SCHIP1: variants seen among roughly 807,000 people sequenced by gnomAD.
The protein encoded by SCHIP1 is schwannomin-interacting protein 1.
SCHIP1 carries 8 observed loss-of-function variants against 29.7 expected under a neutral mutation model. The observed-to-expected ratio is 0.27, with a 90% CI of 0.16 to 0.49. The LOEUF (loss-of-function observed/expected upper bound fraction) is 0.49. Ranked by LOEUF, SCHIP1 falls within the 20% of genes least tolerant of loss-of-function variation. The probability of loss-of-function intolerance (pLI) is 0.99; values close to 1 mark genes in which losing one functional copy is unlikely to be tolerated. For synonymous variants in SCHIP1, 76 were observed against 94.9 expected (o/e 0.80, Z 1.16); for missense variants, 193 against 294.6 (o/e 0.66, Z 2.52).
the SCHIP1 span, among the ~76,000 whole-genome samples, chr3:159,559,343 T>C: frequency 6.6e-6 from 1 of 152,208 alleles, no homozygotes; most frequent in South Asian, 2.1e-4. Context: ...TCCATATTTT[T>C]ATCCCAACAT....
chr3:159,421,973 C>T, the SCHIP1 span, among the ~76,000 whole-genome samples: 14 of 152,148 alleles, frequency 9.2e-5, no homozygotes, highest in Non-Finnish European at 1.6e-4. Flanking sequence ...GTGAAAAAAA[C>T]TTAAATAAAG....
the SCHIP1 span, among the ~76,000 whole-genome samples, chr3:159,753,218 C>G: frequency 6.6e-6 from 1 of 152,198 alleles, no homozygotes; most frequent in Non-Finnish European, 1.5e-5. Context: ...CATCCATATG[C>G]TATGATTCCC....
the SCHIP1 span, among the ~76,000 whole-genome samples, chr3:159,496,651 TTGG>T: frequency 6.6e-6 from 1 of 152,180 alleles, no homozygotes; most frequent in African/African-American, 2.4e-5. Flanking sequence ...TTTTACACTG[TTGG>T]TGGGACTGTA....
the SCHIP1 span, among the ~76,000 whole-genome samples, chr3:159,525,106 ATCT>A: frequency 6.6e-6 from 1 of 152,156 alleles, no homozygotes; most frequent in East Asian, 1.9e-4. Flanking sequence ...TTCACTCCCC[ATCT>A]TCTTCAGGTG....
the SCHIP1 span, among the ~76,000 whole-genome samples, chr3:159,624,133 A>G: frequency 6.6e-6 from 1 of 152,236 alleles, no homozygotes; most frequent in Non-Finnish European, 1.5e-5. Context: ...TTATTGGCCC[A>G]GGAATTGTGC....
At chr3:159,856,081 A>G (rs1298822873) in intron 1 of SCHIP1, among the ~76,000 whole-genome samples, 1 of 152,212 alleles carries the variant, frequency 6.6e-6, no homozygotes, top group Non-Finnish European at 1.5e-5. Flanking sequence ...GTATGTGTTC[A>G]GCCCATTATT....
chr3:159,543,136 T>G, the SCHIP1 span, among the ~76,000 whole-genome samples: 1,036 of 145,124 alleles, frequency 7.1e-3, 17 homozygotes, highest in African/African-American at 0.025. Flanking sequence ...TATATATATA[T>G]AGATATAAAA....
chr3:159,491,290 T>C, the SCHIP1 span, among the ~76,000 whole-genome samples: 152,348 of 152,348 alleles, frequency 1, 76,174 homozygotes, highest in Non-Finnish European at 1. Flanking sequence ...CATGCATGAG[T>C]CGAAGCAGGG....
In SCHIP1 at chr3:159,842,997, C is replaced by CTTTTTTTTTTTTTTTTTTTT. The variant is rs1440922016; in HGVS notation, c.30+2786_30+2787insTTTTTTTTTTTTTTTTTTTT. 1.5e-3 allele frequency among the ~76,000 whole-genome samples: 94 copies of CTTTTTTTTTTTTTTTTTTTT among 61,730 alleles called. 18 individuals carry two copies. The highest frequency in any genetic ancestry group is 3.9e-3 in the South Asian group (5 of 1,288). The allele number at this position is 61,730 out of a possible 152,430, so 40.5% of individuals were successfully genotyped here. A position where few individuals can be genotyped will look rare whatever the true frequency, so the allele number is the denominator to read the frequency against. On this transcript the variant is annotated intron_variant, in intron 1 of 6. Coordinates refer to ENST00000445224, the Ensembl canonical transcript of SCHIP1. ...GCTCTCCAGTTCTATCCCAATATTT[C>CTTTTTTTTTTTTTTTTTTTT]TTTCTTTTTTTTTTTTTTTTTTTTT...
At chr3:159,416,527 AT>A in the SCHIP1 span, among the ~76,000 whole-genome samples, 3 of 152,180 alleles carry the variant, frequency 2.0e-5, no homozygotes, top group South Asian at 2.1e-4. Context: ...GCAGACTTTC[AT>A]TTTGTTGTTC....
chr3:159,343,917 T>TTGAATGTC, the SCHIP1 span, among the ~76,000 whole-genome samples: 385 of 152,182 alleles, frequency 2.5e-3, no homozygotes, highest in African/African-American at 8.8e-3. Flanking sequence ...ATTTGAATGT[T>TTGAATGTC]GATAGTAATT....
the SCHIP1 span, among the ~76,000 whole-genome samples, chr3:159,338,017 T>A: frequency 3.3e-5 from 5 of 152,194 alleles, no homozygotes; most frequent in African/African-American, 7.2e-5. Flanking sequence ...TGTGATGAAG[T>A]AAGAGCATGG....
chr3:159,719,843 G>A, the SCHIP1 span, among the ~76,000 whole-genome samples: 1 of 152,190 alleles, frequency 6.6e-6, no homozygotes. Flanking sequence ...CAAGGATCTA[G>A]AACTAGAAAT....
the SCHIP1 span, among the ~76,000 whole-genome samples, chr3:159,749,835 T>G: frequency 2.8e-3 from 432 of 152,320 alleles, 4 homozygotes; most frequent in African/African-American, 9.9e-3. Flanking sequence ...CTATTAAGCA[T>G]CAATGAACGT....
rs183021066 is a variant in SCHIP1, at chr3:159,843,672, A to T, written c.30+3458A>T. ...CATCTCTACTAAAAAAAATACAAAA[A>T]ATCAGCCGGCCAAGGTGGCGGGCAC... On this transcript the variant is annotated intron_variant, in intron 1 of 6. Coordinates refer to ENST00000445224, the Ensembl canonical transcript of SCHIP1. Among the ~76,000 whole-genome samples the T allele has an allele frequency of 6.8e-3, 1,035 of 151,898 alleles. 7 individuals carry two copies. Among genetic ancestry groups the T allele is most frequent in the African/African-American group, 0.024 (994 of 41,406 alleles).
At chr3:159,644,341 A>T in the SCHIP1 span, among the ~76,000 whole-genome samples, 1 of 152,130 alleles carries the variant, frequency 6.6e-6, no homozygotes, top group Non-Finnish European at 1.5e-5. Context: ...CAGACTATCA[A>T]ACATGTTAAA....
At chr3:159,651,525 T>A in the SCHIP1 span, among the ~76,000 whole-genome samples, 1 of 152,220 alleles carries the variant, frequency 6.6e-6, no homozygotes, top group Non-Finnish European at 1.5e-5. Context: ...CCATTATTAC[T>A]AACAATATAG....
At chr3:159,569,803 A>G in the SCHIP1 span, among the ~76,000 whole-genome samples, 1 of 152,042 alleles carries the variant, frequency 6.6e-6, no homozygotes, top group African/African-American at 2.4e-5. Context: ...AAGCTTTCCT[A>G]TTTCTCCATA....
At chr3:159,289,632 A>C in the SCHIP1 span, among the ~76,000 whole-genome samples, 1 of 152,144 alleles carries the variant, frequency 6.6e-6, no homozygotes, top group Non-Finnish European at 1.5e-5. Context: ...CTCCTTAATT[A>C]ATAATTTTAC....
Sources: allele counts gnomAD v4.1 joint callset (sites outside exome capture counted in the v4.1 genomes callset), GRCh38; gene constraint gnomAD v4.1.1; transcripts MANE v1.5; gene names NCBI Gene and HGNC (gene_info 2026-07-23, HGNC 2026-07-21).